The following ABCC9 variants were observed in gnomAD, a reference collection of about 807,000 sequenced individuals.
ABCC9 encodes ATP-binding cassette sub-family C member 9.
Under a neutral mutation model 188.3 loss-of-function variants are expected in ABCC9, and 95 were observed. That is an observed-to-expected ratio of 0.50 (90% CI 0.43 to 0.60). The LOEUF is 0.60. Among genes scored for constraint, ABCC9 ranks in the 20% least tolerant of loss-of-function variants. ABCC9 has a pLI of 0.00. For missense variants in ABCC9, 1,102 were observed against 1,876.3 expected, an observed-to-expected ratio of 0.59 and a Z score of 7.62; for synonymous variants, 659 against 652.7, an observed-to-expected ratio of 1.01 and a Z score of -0.15.
chr12:21,844,449 A>G (rs890069069), intron 28 of ABCC9, 34 bp downstream of exon 28: 2 of 1,552,986 alleles, frequency 1.3e-6, no homozygotes, highest in Non-Finnish European at 8.9e-7. Context: ...TTGTGAAACT[A>G]ATTTTTGAAC....
At chr12:21,923,907 T>C in intron 5 of ABCC9, 1 of 680,124 alleles carries the variant, frequency 1.5e-6, no homozygotes, top group Non-Finnish European at 2.7e-6. Context: ...AACTATGATA[T>C]AGTTATACAA....
rs945385293 is a variant in ABCC9, at chr12:21,860,915, C to A, written c.2424+56G>T. ...ATTCTCTATTAAAGATTAAAGACAA[C>A]CAGAAGACTTTTCTAGATTTTTGTT... On this transcript the variant is annotated intron_variant, in intron 21 of 39. Coordinates refer to ENST00000261200, the MANE Select transcript of ABCC9 (RefSeq NM_020297.4). 6 of 1,336,138 alleles carry A rather than the reference C, an allele frequency of 4.5e-6. No homozygotes were observed. In the Admixed American group the frequency reaches 1.0e-4, roughly 22 times the overall value. The allele number at this position is 1,336,138 out of a possible 1,614,324, so 82.8% of individuals were successfully genotyped here. A position where few individuals can be genotyped will look rare whatever the true frequency, so the allele number is the denominator to read the frequency against.
intron 24 of ABCC9, among the ~76,000 whole-genome samples, chr12:21,851,498 T>C (rs972523049): frequency 2.0e-5 from 3 of 152,180 alleles, no homozygotes; most frequent in African/African-American, 7.2e-5. Flanking sequence ...TCTTTGCTTA[T>C]TTGTCAGGAG....
chr12:21,812,055 G>C lies in ABCC9; in HGVS notation c.4205C>G (p.Ser1402Cys), dbSNP rs369587958. Residue 1402 changes from serine (S) to cysteine (C), a missense_variant, in exon 36 of 40, where the codon TCC becomes TGC. Transcript: ENST00000261200. ...ILQDPILFSGSIRFNLDPECK... is the reference protein window; with the variant it reads ...ILQDPILFSGCIRFNLDPECK... ...TGCTAAATATGTTACCTACCTAATG[G>C]AACCACTGAATAGTATTGGATCCTG... 3.7e-5 allele frequency: 59 copies of C among 1,602,438 alleles called. No homozygotes were observed. The highest frequency in any genetic ancestry group is 4.5e-5 in the Non-Finnish European group (53 of 1,169,726).
At chr12:21,828,134 A>T (rs1185044917) in intron 31 of ABCC9, among the ~76,000 whole-genome samples, 1 of 152,220 alleles carries the variant, frequency 6.6e-6, no homozygotes, top group African/African-American at 2.4e-5. Context: ...TATTTAAAAA[A>T]TTACACTCAA....
Position 21,926,053 on chromosome 12 carries a change from A to T in ABCC9, c.295T>A (p.Ser99Thr), listed in dbSNP as rs1270249014. 6.2e-7 allele frequency: 1 copy of T among 1,614,080 alleles called. No homozygotes were observed. The highest frequency in any genetic ancestry group is 8.5e-7 in the Non-Finnish European group (1 of 1,179,984). Residue 99 changes from serine to threonine, a missense_variant, in exon 5 of 40, where the codon TCA becomes ACA. Physicochemically the swap from Ser to Thr is moderately conservative, Grantham distance 58. Around this residue, in one of 12 missense-constraint regions of ABCC9, gnomAD observed 305 missense variants for 573.0 expected, o/e 0.53. Transcript: ENST00000261200. Reference protein sequence around the residue: ...EGIVSDSRRESRHLHLFMPAV... With the variant: ...EGIVSDSRRETRHLHLFMPAV... ...GGCATAAAGAGGTGGAGGTGCCTTG[A>T]TTCCCGCCGCCTAGAAAGAGCAGTA...
chr12:21,849,266 G>A (rs1326209325), intron 24 of ABCC9, among the ~76,000 whole-genome samples: 2 of 152,006 alleles, frequency 1.3e-5, no homozygotes, highest in Admixed American at 6.6e-5. Context: ...GACCTTGGTT[G>A]ATTTTTTTTG....
rs866329982 is a variant in ABCC9, at chr12:21,914,937, G to C, written c.816+731C>G. The stretch of plus-strand genomic sequence containing the variant: ...TTTTTTGAGGCAGAGTTTCACTCTT[G>C]TTGCCCAGGCTGGAGTGCAATGGTG... On this transcript the variant is annotated intron_variant, in intron 7 of 39. Transcript: ENST00000261200. Among the ~76,000 whole-genome samples the C allele has an allele frequency of 1.7e-3, 226 of 132,926 alleles. 2 individuals are homozygous for C. The highest frequency in any genetic ancestry group is 6.1e-3 in the African/African-American group (217 of 35,324). 87.2% of individuals were successfully genotyped at this position (132,926 alleles called of 152,430 possible). A position where few individuals can be genotyped will look rare whatever the true frequency, so the allele number is the denominator to read the frequency against.
intron 39 of ABCC9, 104 bp downstream of exon 39, chr12:21,805,894 G>T: frequency 9.2e-7 from 1 of 1,085,406 alleles, no homozygotes; most frequent in South Asian, 1.3e-5. Context: ...CATTAGCAGA[G>T]AAATACATAA....
chr12:21,883,783 A>G (rs992090043), intron 15 of ABCC9, among the ~76,000 whole-genome samples: 2 of 152,138 alleles, frequency 1.3e-5, no homozygotes, highest in African/African-American at 4.8e-5. Flanking sequence ...AGTCTTATAG[A>G]ATGATCTAGT....
At chr12:21,860,573 T>C (rs1420045805) in intron 21 of ABCC9, among the ~76,000 whole-genome samples, 4 of 152,122 alleles carry the variant, frequency 2.6e-5, no homozygotes, top group African/African-American at 9.7e-5. Context: ...CAAAACATGG[T>C]TACACAAAGA....
At chr12:21,849,366 T>C (rs1944847759) in intron 24 of ABCC9, among the ~76,000 whole-genome samples, 1 of 152,140 alleles carries the variant, frequency 6.6e-6, no homozygotes, top group Non-Finnish European at 1.5e-5. Context: ...AAAACAAAAA[T>C]GTCTCCTGAA....
intron 18 of ABCC9, among the ~76,000 whole-genome samples, chr12:21,869,137 G>A (rs763073644): frequency 3.3e-5 from 5 of 151,984 alleles, no homozygotes; most frequent in African/African-American, 1.2e-4. Context: ...AGAAAACTTC[G>A]GTCCTTTCTG....
At chr12:21,854,855 A>G (rs1433191311) in intron 22 of ABCC9, among the ~76,000 whole-genome samples, 1 of 152,204 alleles carries the variant, frequency 6.6e-6, no homozygotes, top group Non-Finnish European at 1.5e-5. Context: ...AAGTCAAAGA[A>G]CCAATATAAA....
At chr12:21,879,396 T>C (rs947494664) in intron 16 of ABCC9, among the ~76,000 whole-genome samples, 3 of 152,174 alleles carry the variant, frequency 2.0e-5, no homozygotes, top group Non-Finnish European at 2.9e-5. Context: ...ATTCCATTTA[T>C]ATGAAATATC....
chr12:21,859,954 G>A (rs1397538262), intron 21 of ABCC9, among the ~76,000 whole-genome samples: 1 of 152,066 alleles, frequency 6.6e-6, no homozygotes, highest in African/African-American at 2.4e-5. Flanking sequence ...GGAAATGCGA[G>A]CAATTCCAAG....
chr12:21,892,077 G>C (rs928896325), intron 14 of ABCC9, among the ~76,000 whole-genome samples: 3 of 152,304 alleles, frequency 2.0e-5, no homozygotes, highest in Admixed American at 2.0e-4. Flanking sequence ...CTATGGCTTG[G>C]GAAATCTGGA....
At position 21,852,233 on chromosome 12, in the gene ABCC9, C is replaced by T. The variant is rs61926078; in HGVS notation, c.2644-11G>A. 8.3e-3 allele frequency: 13,388 copies of T among 1,613,646 alleles called. 92 individuals are homozygous for T. The highest frequency in any genetic ancestry group is 9.8e-3 in the Non-Finnish European group (11,554 of 1,179,876). On this transcript the variant is annotated splice_polypyrimidine_tract_variant and intron_variant, in intron 23 of 39. Coordinates refer to ENST00000261200, the MANE Select transcript of ABCC9 (RefSeq NM_020297.4). Reference sequence around the variant, plus strand: ...TTTCATGGCTATGATCTAAGGAAAGCGGATATTCCCAGAAATGTGACGAAA... The same window carrying T: ...TTTCATGGCTATGATCTAAGGAAAGTGGATATTCCCAGAAATGTGACGAAA...
intron 35 of ABCC9, 80 bp from the exon 36 acceptor site, chr12:21,812,237 T>C: frequency 8.8e-7 from 1 of 1,141,344 alleles, no homozygotes; most frequent in Non-Finnish European, 1.3e-6. Context: ...TGAAAGTTAT[T>C]TCTTAGTTAG....
Sources: allele counts gnomAD v4.1 joint callset (sites outside exome capture counted in the v4.1 genomes callset), GRCh38; gene constraint gnomAD v4.1.1; regional missense constraint gnomAD v4.1.1; transcripts MANE v1.5; gene names NCBI Gene and HGNC (gene_info 2026-07-23, HGNC 2026-07-21).